The following SYCE1 variants were observed in gnomAD, a reference collection of about 807,000 sequenced individuals.
SYCE1 encodes the protein cancer/testis antigen 76.
In SYCE1, 37 loss-of-function variants were observed where a neutral mutation model predicts 55.1. The ratio of observed to expected loss-of-function variants is 0.67; its 90% CI spans 0.52 to 0.88. SYCE1 has a LOEUF of 0.88. Among genes scored for constraint, SYCE1 ranks in the 40% least tolerant of loss-of-function variants. The probability of loss-of-function intolerance (pLI) is 0.00; values close to 1 mark genes in which losing one functional copy is unlikely to be tolerated. For synonymous variants in SYCE1, 163 were observed against 159.4 expected (o/e 1.02, Z -0.17); for missense variants, 399 against 416.4 (o/e 0.96, Z 0.36).
Position 133,559,532 on chromosome 10 carries a change from G to A in SYCE1, c.137-172C>T, listed in dbSNP as rs572049627. 3.0e-4 allele frequency: 190 copies of A among 643,674 alleles called. 1 individual carries two copies. Among genetic ancestry groups the A allele is most frequent in the South Asian group, 1.6e-3 (88 of 55,870 alleles). The allele number at this position is 643,674 out of a possible 1,614,324, so 39.9% of individuals were successfully genotyped here. ...TTCTGGGTGGGCAAGACTGGGAACAGACACAATAAGATACCGAATGGGGCT... is the reference window on the plus strand; with the variant it reads ...TTCTGGGTGGGCAAGACTGGGAACAAACACAATAAGATACCGAATGGGGCT... On this transcript the variant is annotated intron_variant, in intron 2 of 12. Transcript: ENST00000343131.
At chr10:133,568,046 G>T (rs533948248), upstream of SYCE1, 9 of 627,110 alleles carry the variant, frequency 1.4e-5, no homozygotes, top group African/African-American at 1.3e-4. Context: ...GATCCTGGGG[G>T]ACGGTGCGGC....
At chr10:133,558,361 G>A in intron 4 of SYCE1, 147 bp from the exon 5 acceptor site, 1 of 836,650 alleles carries the variant, frequency 1.2e-6, no homozygotes, top group South Asian at 1.5e-5. Context: ...CCTACCCTCT[G>A]GTGCCCACAT....
At chr10:133,554,261 A>C (rs373697862), downstream of SYCE1, 5 of 1,611,044 alleles carry the variant, frequency 3.1e-6, no homozygotes, top group African/African-American at 1.3e-5. Context: ...TTTTCCATGG[A>C]AACAGTGCTC....
chr10:133,557,514 TAATG>T, intron 6 of SYCE1: 1 of 485,226 alleles, frequency 2.1e-6, no homozygotes, highest in Admixed American at 3.4e-5. Context: ...GATGAAAAGA[TAATG>T]GATGAATGGA....
downstream of SYCE1, chr10:133,554,822 C>T: frequency 2.1e-6 from 3 of 1,453,560 alleles, no homozygotes; most frequent in Non-Finnish European, 2.7e-6. Flanking sequence ...CTGGCAGGTA[C>T]CAGAGATGAG....
upstream of SYCE1, chr10:133,568,182 A>T: frequency 9.7e-7 from 1 of 1,034,636 alleles, no homozygotes; most frequent in Non-Finnish European, 1.5e-6. Flanking sequence ...CCCGAAGTCC[A>T]CGTACAGTAG....
At chr10:133,567,033 G>C (rs1385192270), upstream of SYCE1, among the ~76,000 whole-genome samples, 2 of 151,822 alleles carry the variant, frequency 1.3e-5, no homozygotes, top group African/African-American at 4.8e-5. Flanking sequence ...TAGGGTTTTA[G>C]GGGTAGGCAT....
In SYCE1 at chr10:133,557,135, C is replaced by A. The variant is rs8181357; in HGVS notation, c.396G>T (p.Glu132Asp). 174,573 of 1,611,392 alleles carry A rather than the reference C, an allele frequency of 0.11. 11,017 individuals carry two copies. The highest frequency in any genetic ancestry group is 0.27 in the East Asian group (11,886 of 44,810). ...EAHRKHTMLQ[E>D]CKERISALNL... is the part of the protein sequence containing the mutation. ...TCAGGGCAGAAATTCTCTCCTTGCA[C>A]TCCTGCAACATGGTGTGCTTCCTGG... is the stretch of plus-strand genomic sequence containing the variant. Residue 132 changes from glutamate (E) to aspartate (D), a missense_variant, in exon 7 of 13, where the codon GAG (glutamate) becomes GAT (aspartate). Coordinates refer to ENST00000343131, the MANE Select transcript of SYCE1 (RefSeq NM_001143764.3).
At chr10:133,558,517 G>A (rs1024030172) in intron 4 of SYCE1, 4 of 541,864 alleles carry the variant, frequency 7.4e-6, no homozygotes, top group Non-Finnish European at 1.3e-5. Flanking sequence ...ACATCAAATA[G>A]GATGGGGCAT....
At chr10:133,558,775 C>A (rs1396962336) in intron 4 of SYCE1, 102 bp downstream of exon 4, 5 of 1,168,260 alleles carry the variant, frequency 4.3e-6, no homozygotes, top group Non-Finnish European at 6.2e-6. Flanking sequence ...AGAGAGGGTA[C>A]AGGACCCTTG....
chr10:133,554,381 A>G (rs1851600646), downstream of SYCE1: 7 of 1,553,022 alleles, frequency 4.5e-6, no homozygotes, highest in Admixed American at 1.2e-4. Flanking sequence ...CTGACTCAGG[A>G]GATGCAGACT....
downstream of SYCE1, chr10:133,554,283 T>A (rs1354428477): frequency 6.2e-7 from 1 of 1,613,754 alleles, no homozygotes; most frequent in Non-Finnish European, 8.5e-7. Context: ...GCAGTGAGCC[T>A]CTCTCTTCAA....
chr10:133,567,409 G>A (rs1851971343), upstream of SYCE1, among the ~76,000 whole-genome samples: 1 of 151,428 alleles, frequency 6.6e-6, no homozygotes, highest in African/African-American at 2.4e-5. Flanking sequence ...TAGGGTTAAG[G>A]GTTATGGTTA....
intron 2 of SYCE1, 143 bp from the exon 3 acceptor site, chr10:133,559,503 C>T: frequency 1.3e-6 from 1 of 769,464 alleles, no homozygotes; most frequent in Non-Finnish European, 2.2e-6. Flanking sequence ...TCACGGGGCT[C>T]ACGTTCTGGG....
chr10:133,559,913 T>C lies in SYCE1; in HGVS notation c.136+178A>G. The C allele has an allele frequency of 3.8e-5, 24 of 630,360 alleles. 1 individual carries two copies. The South Asian group carries it at 4.6e-4, about 12-fold the overall frequency. 39.0% of individuals were successfully genotyped at this position (630,360 alleles called of 1,614,324 possible). On this transcript the variant is annotated intron_variant, in intron 2 of 12. Coordinates refer to ENST00000343131, the MANE Select transcript of SYCE1 (RefSeq NM_001143764.3). ...AAACATTTTGCCTTCTATACCCTTT[T>C]GCTTCTTTAATTTTGAAACATGGGG...
intron 1 of SYCE1, among the ~76,000 whole-genome samples, chr10:133,563,544 T>G (rs561339901): frequency 7.2e-5 from 11 of 152,172 alleles, no homozygotes; most frequent in Admixed American, 7.2e-4. Context: ...AAAAAAATTA[T>G]CTGGGCATGG....
At chr10:133,565,673 G>C (rs1048842717), upstream of SYCE1, 18 of 786,936 alleles carry the variant, frequency 2.3e-5, no homozygotes, top group Admixed American at 2.5e-4. Flanking sequence ...TAATTCTCCG[G>C]CAGGCCTGCG....
In SYCE1 at chr10:133,557,893, A is replaced by G. The variant is rs769140843; in HGVS notation, c.345T>C (p.His115=). The stretch of plus-strand genomic sequence containing the variant: ...GTGCCTCACTTTCCTTTTCCTGGCA[A>G]TGCAGCCGGAGGATCCTCAGGGTCT... ...KQETLRILRL[H]CQEKESEAHR... Residue 115 remains histidine (H), a synonymous_variant, in exon 6 of 13, where the codon CAT becomes CAC. Transcript: ENST00000343131. The G allele has an allele frequency of 2.8e-5, 45 of 1,613,958 alleles. No homozygotes were observed. The highest frequency in any genetic ancestry group is 3.7e-5 in the Non-Finnish European group (44 of 1,180,038).
At position 133,555,260 on chromosome 10, in the gene SYCE1, A is replaced by C. The variant is rs11594981; in HGVS notation, c.918+91T>G. ...CCTCCCCATAGACCATCCTCTGAGG[A>C]GTCCCAGGACCCCCTCCCTTGTCCT... On this transcript the variant is annotated intron_variant, in intron 12 of 12. Transcript: ENST00000343131. 4.9e-3 allele frequency: 7,777 copies of C among 1,585,736 alleles called. 26 individuals carry two copies. The highest frequency in any genetic ancestry group is 6.1e-3 in the Non-Finnish European group (7,094 of 1,159,134).
Sources: allele counts gnomAD v4.1 joint callset (sites outside exome capture counted in the v4.1 genomes callset), GRCh38; gene constraint gnomAD v4.1.1; transcripts MANE v1.5; gene names NCBI Gene and HGNC (gene_info 2026-07-23, HGNC 2026-07-21).